Variants in MSH5 observed in about 807,000 individuals in gnomAD.
The protein encoded by MSH5 is mutS protein homolog 5.
Under a neutral mutation model 107.7 loss-of-function variants are expected in MSH5, and 78 were observed. The ratio of observed to expected loss-of-function variants is 0.72; its 90% CI spans 0.60 to 0.87. The LOEUF is 0.87. Ranked by LOEUF, MSH5 falls within the 40% of genes least tolerant of loss-of-function variation. The pLI, the probability that MSH5 is intolerant of heterozygous loss-of-function variation, is 0.00. For missense variants in MSH5, 889 were observed against 1,046.6 expected (o/e 0.85, Z 2.08); for synonymous variants, 326 against 399.5 (o/e 0.82, Z 2.19).
At chr6:31,753,708 A>G in intron 12 of MSH5, 79 bp downstream of exon 12, 1 of 1,322,878 alleles carries the variant, frequency 7.6e-7, no homozygotes, top group Admixed American at 1.8e-5. Flanking sequence ...TACCCTAGAC[A>G]TGCTGTCCAA....
At position 31,760,486 on chromosome 6, in the gene MSH5, T is replaced by A. The variant is rs1810891365; in HGVS notation, c.1813-204T>A. On this transcript the variant is annotated intron_variant, in intron 19 of 24. Transcript: ENST00000375750. This position sits in a 1 kb window ranked among gnomAD's most constrained non-coding sequence, Gnocchi z 5.6. ...ACTCCCAAGTATGTCTCTGCCCACG[T>A]CCCGTGCCTCTTCACTGATTCTAAA... Among the ~76,000 whole-genome samples, 1 of 152,210 alleles carries A rather than the reference T, an allele frequency of 6.6e-6. No individual in the cohort carries two copies. Among genetic ancestry groups the A allele is most frequent in the African/African-American group, 2.4e-5 (1 of 41,450 alleles).
At chr6:31,748,938 C>T (rs1298438427) in intron 10 of MSH5, among the ~76,000 whole-genome samples, 3 of 140,440 alleles carry the variant, frequency 2.1e-5, no homozygotes, top group East Asian at 2.1e-4. Context: ...TTTTTTGAGA[C>T]GGAGTCTCCC....
chr6:31,757,099 T>A (rs1010181065), intron 12 of MSH5: 1 of 152,288 alleles, frequency 6.6e-6, no homozygotes, highest in African/African-American at 2.4e-5. Context: ...ATTAGTTCCC[T>A]AACATTCTCC....
chr6:31,758,753 T>C lies in MSH5; in HGVS notation c.1217-13T>C. 6.2e-7 allele frequency: 1 copy of C among 1,613,600 alleles called. No homozygotes were observed. The highest frequency in any genetic ancestry group is 8.5e-7 in the Non-Finnish European group (1 of 1,179,520). ...ACTCACTTTTGATAACCACGTGTCT[T>C]CCACCCTCGTAGAAAAGCGAAGACT... On this transcript the variant is annotated splice_polypyrimidine_tract_variant and intron_variant, in intron 14 of 24. Coordinates refer to ENST00000375750, the MANE Select transcript of MSH5 (RefSeq NM_172166.4). The surrounding 1 kb of genome is among the most constrained non-coding windows in gnomAD (Gnocchi z 5.1).
Position 31,761,626 on chromosome 6 carries a change from C to G in MSH5, c.2181+11C>G. The G allele has an allele frequency of 8.7e-6, 14 of 1,614,060 alleles. No homozygotes were observed. Among genetic ancestry groups the G allele is most frequent in the Non-Finnish European group, 1.1e-5 (13 of 1,180,030 alleles). On this transcript the variant is annotated intron_variant, in intron 22 of 24. Coordinates refer to ENST00000375750, the MANE Select transcript of MSH5 (RefSeq NM_172166.4). The surrounding 1 kb of genome is among the most constrained non-coding windows in gnomAD (Gnocchi z 5.3). The stretch of plus-strand genomic sequence containing the variant: ...CTGGTGCAGTATTTGGTGAGGAGAC[C>G]AATCTAGCTCCTCGGGGACCCCCAG...
Position 31,759,223 on chromosome 6 carries a change from C to T in MSH5, c.1407+46C>T. 2 of 1,553,774 alleles carry T rather than the reference C, an allele frequency of 1.3e-6. No homozygotes were observed. Among genetic ancestry groups the T allele is most frequent in the Non-Finnish European group, 1.8e-6 (2 of 1,126,868 alleles). The stretch of plus-strand genomic sequence containing the variant: ...AAGGTGAGTGATGAGGAAAATGAGT[C>T]AGCAGCTGAGGAAGAGCGTTACTCT... On this transcript the variant is annotated intron_variant, in intron 16 of 24. Coordinates refer to ENST00000375750, the MANE Select transcript of MSH5 (RefSeq NM_172166.4). The surrounding 1 kb of genome is among the most constrained non-coding windows in gnomAD (Gnocchi z 4.7).
chr6:31,759,359 G>A lies in MSH5; in HGVS notation c.1408-66G>A. 1 of 1,549,728 alleles carries A rather than the reference G, an allele frequency of 6.5e-7. No homozygotes were observed. The highest frequency in any genetic ancestry group is 1.7e-5 in the Admixed American group (1 of 59,036). Reference sequence around the variant, plus strand: ...GAGTTAGGGGCTGGAGGTGGGGTTAGAAAGATGGGGAAGGAGAGGAGGACC... The same window carrying A: ...GAGTTAGGGGCTGGAGGTGGGGTTAAAAAGATGGGGAAGGAGAGGAGGACC... On this transcript the variant is annotated intron_variant, in intron 16 of 24. Transcript: ENST00000375750. The surrounding 1 kb of genome is among the most constrained non-coding windows in gnomAD (Gnocchi z 4.7).
Position 31,740,345 on chromosome 6 carries a change from G to T in MSH5, c.-13-109G>T. On this transcript the variant is annotated intron_variant, in intron 1 of 24. Transcript: ENST00000375750. The surrounding 1 kb of genome is among the most constrained non-coding windows in gnomAD (Gnocchi z 4.4). ...TCTCCACGCCCCTCAGCCCTGCCCC[G>T]CAGCCCTGTAGCAGAAGTACTTAGT... is the stretch of plus-strand genomic sequence containing the variant. The T allele has an allele frequency of 3.3e-6, 4 of 1,199,864 alleles. No individual in the cohort carries two copies. The highest frequency in any genetic ancestry group is 4.6e-6 in the Non-Finnish European group (4 of 871,348). The allele number at this position is 1,199,864 out of a possible 1,614,324, so 74.3% of individuals were successfully genotyped here.
chr6:31,756,138 T>C (rs1239413669), intron 12 of MSH5, among the ~76,000 whole-genome samples: 1 of 152,162 alleles, frequency 6.6e-6, no homozygotes, highest in Admixed American at 6.6e-5. Flanking sequence ...GCAAATGTTC[T>C]GATGTTTAAT....
At position 31,761,933 on chromosome 6, in the gene MSH5, A is replaced by G; in HGVS notation, c.2297A>G (p.Lys766Arg). ...HTAAQAGLPD[K>R]LVARGKEVSD... ...GCTGCCCAGGCTGGGCTTCCTGACA[A>G]GCTTGTGGCTCGTGGCAAGGAGGTG... The change falls in exon 23 of 25, where the codon AAG (lysine) becomes AGG (arginine). Residue 766 changes from lysine (K) to arginine (R), a missense_variant. Lys to Arg is a conservative substitution (Grantham distance 26, BLOSUM62 2). Transcript: ENST00000375750. This position sits in a 1 kb window ranked among gnomAD's most constrained non-coding sequence, Gnocchi z 5.3. 25 of 1,613,922 alleles carry G rather than the reference A, an allele frequency of 1.5e-5. No individual in the cohort carries two copies. The highest frequency in any genetic ancestry group is 2.1e-5 in the Non-Finnish European group (25 of 1,180,010).
At chr6:31,743,051 CAG>C (rs1809056832) in intron 4 of MSH5, 55 bp from the exon 5 acceptor site, 1 of 1,610,192 alleles carries the variant, frequency 6.2e-7, no homozygotes. Context: ...GAGTGTCAGA[CAG>C]AGGTAGAAGG....
chr6:31,760,708 ATGGCCC>A lies in MSH5; in HGVS notation c.1835_1840del (p.Ala612_Leu613del). 1 of 1,613,056 alleles carries A rather than the reference ATGGCCC, an allele frequency of 6.2e-7. No individual in the cohort carries two copies. Among genetic ancestry groups the A allele is most frequent in the Non-Finnish European group, 8.5e-7 (1 of 1,180,052 alleles). Reference sequence around the variant, plus strand: ...TATTCAGGTAGGCTTGATCACATTCATGGCCCTGGTAGGCAGCTTTGTGCCAGCAGA... The same window carrying A: ...TATTCAGGTAGGCTTGATCACATTCATGGTAGGCAGCTTTGTGCCAGCAGA... On this transcript the variant is annotated inframe_deletion, in exon 20 of 25. Coordinates refer to ENST00000375750, the MANE Select transcript of MSH5 (RefSeq NM_172166.4). This position sits in a 1 kb window ranked among gnomAD's most constrained non-coding sequence, Gnocchi z 5.6.
At chr6:31,747,474 C>T in intron 10 of MSH5, 42 bp downstream of exon 10, 1 of 1,585,836 alleles carries the variant, frequency 6.3e-7, no homozygotes, top group Non-Finnish European at 8.7e-7. Context: ...TGCATGAATT[C>T]CATATGCACA....
At position 31,740,592 on chromosome 6, in the gene MSH5, G is replaced by A; in HGVS notation, c.126G>A (p.Glu42=). The A allele has an allele frequency of 6.7e-7, 1 of 1,491,670 alleles. No homozygotes were observed. 92.4% of individuals were successfully genotyped at this position (1,491,670 alleles called of 1,614,324 possible). Residue 42 remains glutamate, a synonymous_variant, in exon 2 of 25, where the codon GAG becomes GAA. Transcript: ENST00000375750. The surrounding 1 kb of genome is among the most constrained non-coding windows in gnomAD (Gnocchi z 4.4). ...GGGAGGCCGAGGAGGAGGAAGTCGA[G>A]GAGGAGGAGGAGCTGGCCGAGGTCT... ...GPREAEEEEV[E]EEEELAEIHL...
chr6:31,754,719 T>G (rs1810284165), intron 12 of MSH5, among the ~76,000 whole-genome samples: 1 of 152,080 alleles, frequency 6.6e-6, no homozygotes, highest in Non-Finnish European at 1.5e-5. Flanking sequence ...TTATATCATT[T>G]CATCCATAAA....
Position 31,743,146 on chromosome 6 carries a change from A to G in MSH5, c.391A>G (p.Ile131Val), listed in dbSNP as rs546320539. 9.6e-5 allele frequency: 155 copies of G among 1,612,910 alleles called. No homozygotes were observed. The South Asian group carries it at 1.5e-3, about 15-fold the overall frequency. ...EHREPKRPEIIFLPSVDFGLE... is the reference protein window; with the variant it reads ...EHREPKRPEIVFLPSVDFGLE... ...CAGAGAGCCTAAAAGACCTGAAATC[A>G]TATTTTTGCCAAGTGTGGATTTTGG... is the stretch of plus-strand genomic sequence containing the variant. Residue 131 changes from isoleucine (I) to valine (V), a missense_variant, in exon 5 of 25, where the codon ATA (isoleucine) becomes GTA (valine). Physicochemically the swap from Ile to Val is conservative, Grantham distance 29. Around this residue, in one of 3 missense-constraint regions of MSH5, gnomAD observed 518 missense variants for 565.0 expected, o/e 0.92. Transcript: ENST00000375750.
intron 12 of MSH5, among the ~76,000 whole-genome samples, chr6:31,755,181 T>G (rs1439828294): frequency 6.6e-6 from 1 of 152,086 alleles, no homozygotes; most frequent in East Asian, 1.9e-4. Context: ...AGACAGGGTC[T>G]CACTCTGTCA....
Position 31,761,284 on chromosome 6 carries a change from G to A in MSH5, c.2037+22G>A, listed in dbSNP as rs1373081955. On this transcript the variant is annotated intron_variant, in intron 21 of 24. Transcript: ENST00000375750. The surrounding 1 kb of genome is among the most constrained non-coding windows in gnomAD (Gnocchi z 5.3). ...CACGGTGAGGGGAGAAACTGATGAG[G>A]GGAGAAACTAAGGAGGGGAAAATGG... 1 of 1,612,878 alleles carries A rather than the reference G, an allele frequency of 6.2e-7. No homozygotes were observed. Among genetic ancestry groups the A allele is most frequent in the Non-Finnish European group, 8.5e-7 (1 of 1,179,620 alleles).
At chr6:31,754,268 G>C (rs1810246238) in intron 12 of MSH5, among the ~76,000 whole-genome samples, 1 of 151,356 alleles carries the variant, frequency 6.6e-6, no homozygotes, top group Admixed American at 6.6e-5. Context: ...TCCTACCTCA[G>C]CCTCCCAAAT....
Sources: gnomAD v4.1 joint callset for allele counts (sites outside exome capture counted in the v4.1 genomes callset) on GRCh38, gnomAD v4.1.1 for gene constraint, gnomAD v4.1.1 regional missense constraint, Gnocchi (gnomAD v3.1) non-coding constraint, MANE v1.5 for transcripts, NCBI Gene and HGNC (gene_info 2026-07-23, HGNC 2026-07-21) for gene names.